Variants in GLCCI1 observed in about 807,000 individuals in gnomAD.
The protein encoded by GLCCI1 is glucocorticoid-induced transcript 1 protein.
Under a neutral mutation model 52.2 loss-of-function variants are expected in GLCCI1, and 24 were observed. The observed-to-expected ratio is 0.46, with a 90% confidence interval of 0.33 to 0.65. The LOEUF (loss-of-function observed/expected upper bound fraction) is 0.65. GLCCI1 is among the 30% of genes least tolerant of loss of function. The pLI is 0.02. For missense variants in GLCCI1, 704 were observed against 701.5 expected (o/e 1.00, Z -0.04); for synonymous variants, 310 against 276.5 (o/e 1.12, Z -1.20).
chr7:8,055,244 G>A (rs1782357860), intron 3 of GLCCI1, among the ~76,000 whole-genome samples, 189 bp from the exon 4 acceptor site: 1 of 152,192 alleles, frequency 6.6e-6, no homozygotes, highest in Non-Finnish European at 1.5e-5. Flanking sequence ...TGAAGCATTT[G>A]TAGCATATAT....
intron 2 of GLCCI1, among the ~76,000 whole-genome samples, chr7:8,009,036 G>C (rs1019413454): frequency 6.6e-6 from 1 of 152,192 alleles, no homozygotes; most frequent in South Asian, 2.1e-4. Context: ...TACCCGATTT[G>C]CACATTCACA....
chr7:8,025,301 C>T (rs936763637), intron 3 of GLCCI1, among the ~76,000 whole-genome samples: 1 of 152,036 alleles, frequency 6.6e-6, no homozygotes, highest in Non-Finnish European at 1.5e-5. Context: ...GATCGCGCCA[C>T]TGCACTGCAG....
At chr7:7,990,473 C>T (rs1780817044) in intron 1 of GLCCI1, among the ~76,000 whole-genome samples, 1 of 152,020 alleles carries the variant, frequency 6.6e-6, no homozygotes, top group South Asian at 2.1e-4. Context: ...TGACACTTTG[C>T]CCTACACTTG....
intron 3 of GLCCI1, among the ~76,000 whole-genome samples, chr7:8,030,570 GCAAA>G (rs1246079616): frequency 6.6e-6 from 1 of 152,038 alleles, no homozygotes; most frequent in African/African-American, 2.4e-5. Flanking sequence ...CTTCTGCACA[GCAAA>G]CAATCAACAG....
chr7:7,987,482 C>G (rs999479646), intron 1 of GLCCI1, among the ~76,000 whole-genome samples: 8 of 152,182 alleles, frequency 5.3e-5, no homozygotes, highest in Non-Finnish European at 8.8e-5. Flanking sequence ...CTGGACTGTT[C>G]AGGATCTCAT....
At chr7:7,982,888 G>A (rs1032695294) in intron 1 of GLCCI1, among the ~76,000 whole-genome samples, 1 of 152,048 alleles carries the variant, frequency 6.6e-6, no homozygotes, top group Admixed American at 6.6e-5. Context: ...TGTCTGTCTA[G>A]GAGTTATAGT....
intron 3 of GLCCI1, among the ~76,000 whole-genome samples, chr7:8,045,121 C>G (rs1782091876): frequency 6.6e-6 from 1 of 152,152 alleles, no homozygotes; most frequent in Non-Finnish European, 1.5e-5. Flanking sequence ...ACTGAAACAA[C>G]TGTGAGCTGG....
At chr7:8,053,946 T>A (rs1348461977) in intron 3 of GLCCI1, among the ~76,000 whole-genome samples, 1 of 152,186 alleles carries the variant, frequency 6.6e-6, no homozygotes, top group South Asian at 2.1e-4. Flanking sequence ...CAGGGGTTTG[T>A]TAAGTTGGCT....
Position 8,086,440 on chromosome 7 carries a change from A to C in GLCCI1, c.1546A>C (p.Met516Leu). 6.2e-7 allele frequency: 1 copy of C among 1,614,124 alleles called. No homozygotes were observed. The highest frequency in any genetic ancestry group is 8.5e-7 in the Non-Finnish European group (1 of 1,180,028). Residue 516 changes from methionine (M) to leucine (L), a missense_variant, in exon 8 of 8, where the codon ATG becomes CTG. Met to Leu is a conservative substitution (Grantham distance 15, BLOSUM62 2). Coordinates refer to ENST00000223145, the MANE Select transcript of GLCCI1 (RefSeq NM_138426.4). The surrounding 1 kb of genome is among the most constrained non-coding windows in gnomAD (Gnocchi z 4.4). ...TGATGACACCAGCACAGCGGGCTCC[A>C]TGGAGGCCTCTGTCCAGCAGCCATC... ...LSDDTSTAGS[M>L]EASVQQPSQQ... is the part of the protein sequence containing the mutation.
rs1783115555 is a variant in GLCCI1 at position 8,086,748 on chromosome 7, C to T, written c.*210C>T. The T allele has an allele frequency of 5.5e-6, 3 of 545,164 alleles. No homozygotes were observed. The highest frequency in any genetic ancestry group is 9.7e-6 in the Non-Finnish European group (3 of 310,622). 33.8% of individuals were successfully genotyped at this position (545,164 alleles called of 1,614,324 possible). On this transcript the variant is annotated 3_prime_UTR_variant, in exon 8 of 8. Coordinates refer to ENST00000223145, the MANE Select transcript of GLCCI1 (RefSeq NM_138426.4). This position sits in a 1 kb window ranked among gnomAD's most constrained non-coding sequence, Gnocchi z 4.4. ...AGTAATGCTTGCAAAACGTGTGTGT[C>T]ATTCAGCATTTTAAGTGGAGACTAT...
At position 8,087,925 on chromosome 7, in the gene GLCCI1, G is replaced by C. The variant is rs1234880240; in HGVS notation, c.*1387G>C. The C allele has an allele frequency of 6.6e-6, 1 of 152,616 alleles. No individual in the cohort carries two copies. The highest frequency in any genetic ancestry group is 1.5e-5 in the Non-Finnish European group (1 of 68,044). The allele number at this position is 152,616 out of a possible 1,614,324, so 9.5% of individuals were successfully genotyped here. A position where few individuals can be genotyped will look rare whatever the true frequency, so the allele number is the denominator to read the frequency against. On this transcript the variant is annotated 3_prime_UTR_variant, in exon 8 of 8. Transcript: ENST00000223145. ...TGTGAAGAGAGCCCCAGGCATTCCT[G>C]ATTGGTCAATGGGAGAGCCTAACTT...
At position 8,064,906 on chromosome 7, in the gene GLCCI1, C is replaced by T. The variant is rs1176511239; in HGVS notation, c.966+4658C>T. Among the ~76,000 whole-genome samples the T allele has an allele frequency of 5.3e-5, 8 of 152,036 alleles. No individual in the cohort carries two copies. The East Asian group carries it at 9.7e-4, about 18-fold the overall frequency. On this transcript the variant is annotated intron_variant, in intron 5 of 7. Transcript: ENST00000223145. ...GGTTTTTTTTGTATTTTAGTAGAGA[C>T]GGGGTTTCACTGTGTTGGCCAGGAT...
intron 6 of GLCCI1, chr7:8,084,677 G>A: frequency 4.6e-6 from 2 of 435,242 alleles, no homozygotes; most frequent in South Asian, 4.1e-5. Flanking sequence ...GGACCAAAAT[G>A]TCCTTTTTAT....
intron 5 of GLCCI1, among the ~76,000 whole-genome samples, chr7:8,068,466 C>T (rs1356963957): frequency 6.6e-6 from 1 of 152,218 alleles, no homozygotes; most frequent in African/African-American, 2.4e-5. Context: ...ATGAAAGTCT[C>T]ATAGTGTGTT....
intron 3 of GLCCI1, among the ~76,000 whole-genome samples, chr7:8,027,712 A>G (rs10228900): frequency 6.6e-6 from 1 of 151,530 alleles, no homozygotes; most frequent in Non-Finnish European, 1.5e-5. Flanking sequence ...CCAATGATCT[A>G]TTGCCTACAA....
intron 2 of GLCCI1, among the ~76,000 whole-genome samples, chr7:8,021,921 A>G (rs1241276277): frequency 2.0e-5 from 3 of 152,112 alleles, no homozygotes; most frequent in Admixed American, 2.0e-4. Flanking sequence ...TTTAGCTTAT[A>G]TTTTACTGTT....
intron 1 of GLCCI1, among the ~76,000 whole-genome samples, chr7:7,988,531 C>T (rs569810647): frequency 9.2e-5 from 14 of 151,890 alleles, no homozygotes; most frequent in African/African-American, 2.2e-4. Flanking sequence ...TTAATGTCTT[C>T]GGAGAATTTC....
At chr7:7,992,129 C>T (rs13236683) in intron 1 of GLCCI1, among the ~76,000 whole-genome samples, 107 of 124,504 alleles carry the variant, frequency 8.6e-4, no homozygotes, top group Middle Eastern at 4.7e-3. Flanking sequence ...CTCTCTCTCT[C>T]ATATATATAT....
At chr7:8,040,369 C>T (rs1462823266) in intron 3 of GLCCI1, among the ~76,000 whole-genome samples, 2 of 151,738 alleles carry the variant, frequency 1.3e-5, no homozygotes, top group African/African-American at 2.4e-5. Flanking sequence ...GCCTGTGGTC[C>T]GAGTTACTCA....
Sources: allele counts gnomAD v4.1 joint callset (sites outside exome capture counted in the v4.1 genomes callset), GRCh38; gene constraint gnomAD v4.1.1; non-coding constraint Gnocchi (gnomAD v3.1); transcripts MANE v1.5; gene names NCBI Gene and HGNC (gene_info 2026-07-23, HGNC 2026-07-21).